Variants in RNF130 observed in about 807,000 individuals in gnomAD.
The protein encoded by RNF130 is ring finger protein 130.
RNF130 carries 21 observed loss-of-function variants against 44.6 expected under a neutral mutation model. The observed-to-expected ratio is 0.47, with a 90% CI of 0.33 to 0.68. The LOEUF (loss-of-function observed/expected upper bound fraction) is 0.68. Ranked by LOEUF, RNF130 falls within the 30% of genes least tolerant of loss-of-function variation. The probability of loss-of-function intolerance (pLI) is 0.02; values close to 1 mark genes in which losing one functional copy is unlikely to be tolerated. For missense variants in RNF130, 479 were observed against 560.6 expected, an observed-to-expected ratio of 0.85 and a Z score of 1.47; for synonymous variants, 214 against 210.4, an observed-to-expected ratio of 1.02 and a Z score of -0.15.
At chr5:180,066,089 C>T (rs1307764567) in intron 1 of RNF130, among the ~76,000 whole-genome samples, 1 of 152,200 alleles carries the variant, frequency 6.6e-6, no homozygotes, top group Non-Finnish European at 1.5e-5. Flanking sequence ...CACACGCCCT[C>T]TGATATGGTT....
chr5:179,927,667 C>A (rs1761725075), intron 7 of RNF130, among the ~76,000 whole-genome samples: 1 of 149,598 alleles, frequency 6.7e-6, no homozygotes, highest in Non-Finnish European at 1.5e-5. Context: ...TGGCTCACCG[C>A]AAGCTCTGCC....
At chr5:179,946,569 T>TA (rs1468586888) in intron 7 of RNF130, among the ~76,000 whole-genome samples, 1 of 152,110 alleles carries the variant, frequency 6.6e-6, no homozygotes, top group East Asian at 1.9e-4. Context: ...TTTTTTTTTT[T>TA]TTGAGACGGA....
chr5:180,049,688 T>C (rs1466896998), intron 1 of RNF130, among the ~76,000 whole-genome samples: 1 of 152,208 alleles, frequency 6.6e-6, no homozygotes, highest in Non-Finnish European at 1.5e-5. Flanking sequence ...ACAGGTTAAA[T>C]CAGACTGCAA....
At chr5:180,037,167 G>T (rs1358258460) in intron 2 of RNF130, among the ~76,000 whole-genome samples, 1 of 152,194 alleles carries the variant, frequency 6.6e-6, no homozygotes, top group Non-Finnish European at 1.5e-5. Flanking sequence ...TCCTATGACA[G>T]ATGCAGGTGT....
downstream of RNF130, chr5:179,955,002 A>T (rs1762181374): frequency 6.6e-6 from 1 of 152,270 alleles, no homozygotes. Flanking sequence ...TTACAAGAAT[A>T]CAAAGTAGGT....
In RNF130 at chr5:179,977,607, C is replaced by G. The variant is rs1421745124; in HGVS notation, c.848+596G>C. 6.6e-6 allele frequency among the ~76,000 whole-genome samples: 1 copy of G among 152,160 alleles called. No individual in the cohort carries two copies. The highest frequency in any genetic ancestry group is 1.5e-5 in the Non-Finnish European group (1 of 68,026). ...GTGGCTCACGCCTGTAATCCCAGGA[C>G]TTTGGGAGGCTGAGGCAGGCAGATC... On this transcript the variant is annotated intron_variant, in intron 5 of 8. Transcript: ENST00000521389. This position sits in a 1 kb window ranked among gnomAD's most constrained non-coding sequence, Gnocchi z 4.1.
At chr5:180,051,054 C>T (rs1163198193) in intron 1 of RNF130, among the ~76,000 whole-genome samples, 2 of 152,128 alleles carry the variant, frequency 1.3e-5, no homozygotes, top group Admixed American at 6.5e-5. Flanking sequence ...CTGCCCACCT[C>T]GACCTCCCAA....
At chr5:179,993,943 T>C (rs1159120996) in intron 3 of RNF130, among the ~76,000 whole-genome samples, 1 of 152,266 alleles carries the variant, frequency 6.6e-6, no homozygotes, top group African/African-American at 2.4e-5. Context: ...TTTCTACATA[T>C]GGCTAGCCAG....
chr5:179,934,494 T>C (rs914778014), intron 7 of RNF130, among the ~76,000 whole-genome samples: 4 of 151,776 alleles, frequency 2.6e-5, no homozygotes, highest in Non-Finnish European at 5.9e-5. Context: ...ATTTTATTCG[T>C]CATTTTAAAG....
At chr5:179,980,992 G>C (rs1246225025) in intron 3 of RNF130, among the ~76,000 whole-genome samples, 2 of 152,290 alleles carry the variant, frequency 1.3e-5, no homozygotes, top group East Asian at 1.9e-4. Context: ...GCGACTAGGA[G>C]GGGTGGGGCG....
chr5:179,926,104 G>C (rs998265686), intron 7 of RNF130, among the ~76,000 whole-genome samples: 3 of 152,154 alleles, frequency 2.0e-5, no homozygotes, highest in African/African-American at 7.2e-5. Flanking sequence ...GCAACTTAGG[G>C]TCTGGTAGGG....
chr5:179,924,643 G>A (rs541590902), intron 7 of RNF130, among the ~76,000 whole-genome samples: 10 of 152,156 alleles, frequency 6.6e-5, no homozygotes, highest in Non-Finnish European at 1.3e-4. Flanking sequence ...ATAAAAATTA[G>A]CCAGGCATGG....
chr5:179,937,904 CTGTGTGTGTG>C (rs757837790), intron 7 of RNF130, among the ~76,000 whole-genome samples: 6 of 119,370 alleles, frequency 5.0e-5, no homozygotes, highest in East Asian at 2.7e-4. Flanking sequence ...TTCAATGAAT[CTGTGTGTGTG>C]TGTGTGTGTG....
chr5:179,967,063 T>C (rs1762468478), intron 6 of RNF130, 53 bp from the exon 7 acceptor site: 1 of 1,496,056 alleles, frequency 6.7e-7, no homozygotes. Context: ...CAACCTTTCA[T>C]AAGATTCTAA....
chr5:179,928,356 G>GTT (rs569173452), intron 7 of RNF130, among the ~76,000 whole-genome samples: 4 of 144,912 alleles, frequency 2.8e-5, no homozygotes, highest in South Asian at 2.2e-4. Context: ...TGGATATTTT[G>GTT]TTTTTTTTTT....
chr5:180,054,634 G>A (rs995641092), intron 1 of RNF130, among the ~76,000 whole-genome samples: 1 of 152,182 alleles, frequency 6.6e-6, no homozygotes, highest in Non-Finnish European at 1.5e-5. Context: ...CTGTCTTGTA[G>A]TAAGTTTTCA....
At chr5:179,930,204 T>TGC (rs1761787253) in intron 7 of RNF130, among the ~76,000 whole-genome samples, 15 of 152,090 alleles carry the variant, frequency 9.9e-5, no homozygotes, top group Admixed American at 7.2e-4. Context: ...ATTACAGGCA[T>TGC]CTGCCACCAC....
intron 5 of RNF130, among the ~76,000 whole-genome samples, chr5:179,974,470 T>A (rs552505408): frequency 1.9e-4 from 29 of 152,176 alleles, no homozygotes; most frequent in Non-Finnish European, 4.0e-4. Flanking sequence ...CCAACTGCCA[T>A]CTGTCCACAG....
intron 8 of RNF130, 45 bp from the exon 9 acceptor site, chr5:179,955,714 C>T (rs746666668): frequency 7.4e-6 from 11 of 1,486,816 alleles, no homozygotes; most frequent in Non-Finnish European, 1.0e-5. Flanking sequence ...AAAGAGTAGT[C>T]AAATGTTTAA....
Sources: gnomAD v4.1 joint callset for allele counts (sites outside exome capture counted in the v4.1 genomes callset) on GRCh38, gnomAD v4.1.1 for gene constraint, Gnocchi (gnomAD v3.1) non-coding constraint, MANE v1.5 for transcripts, NCBI Gene and HGNC (gene_info 2026-07-23, HGNC 2026-07-21) for gene names.